The following CDH20 variants were observed in gnomAD, a reference collection of about 807,000 sequenced individuals.
The protein encoded by CDH20 is cadherin-20.
In CDH20, 29 loss-of-function variants were observed where a neutral mutation model predicts 74.2. The observed-to-expected ratio is 0.39, with a 90% CI of 0.29 to 0.53. The LOEUF is 0.53. Ranked by LOEUF, CDH20 falls within the 20% of genes least tolerant of loss-of-function variation. CDH20 has a pLI of 0.69. For synonymous variants in CDH20, 469 were observed against 405.4 expected, an observed-to-expected ratio of 1.16 and a Z score of -1.88; for missense variants, 988 against 1,048.3, an observed-to-expected ratio of 0.94 and a Z score of 0.79.
At chr18:61,475,151 C>T (rs1194964171) in intron 1 of CDH20, among the ~76,000 whole-genome samples, 3 of 152,118 alleles carry the variant, frequency 2.0e-5, no homozygotes, top group African/African-American at 7.2e-5. Context: ...CAGAGGGCTG[C>T]TGAAGGGATG....
intron 1 of CDH20, among the ~76,000 whole-genome samples, chr18:61,406,085 T>A (rs957225844): frequency 1.3e-5 from 2 of 152,096 alleles, no homozygotes; most frequent in Non-Finnish European, 2.9e-5. Flanking sequence ...CCCAGCTGTA[T>A]CCAGAATTAA....
At chr18:61,434,142 T>G (rs1908751608) in intron 1 of CDH20, among the ~76,000 whole-genome samples, 1 of 152,102 alleles carries the variant, frequency 6.6e-6, no homozygotes, top group South Asian at 2.1e-4. Flanking sequence ...CACATAGCAT[T>G]CTATATGAAA....
chr18:61,541,276 T>A (rs1913027193), intron 9 of CDH20, among the ~76,000 whole-genome samples: 1 of 151,274 alleles, frequency 6.6e-6, no homozygotes, highest in African/African-American at 2.4e-5. Flanking sequence ...AATTTTTGTT[T>A]TATATTATAA....
In CDH20 at chr18:61,502,736, G is replaced by C. The variant is rs139758719; in HGVS notation, c.662-217G>C. On this transcript the variant is annotated intron_variant, in intron 4 of 11. Coordinates refer to ENST00000262717, the MANE Select transcript of CDH20 (RefSeq NM_031891.4). ...TGTTGCCAGAAGAAACCAGCCCTCTGAGCTCTTCCTGCTGGAATAAAAGTT... is the reference window on the plus strand; with the variant it reads ...TGTTGCCAGAAGAAACCAGCCCTCTCAGCTCTTCCTGCTGGAATAAAAGTT... 5.8e-4 allele frequency among the ~76,000 whole-genome samples: 88 copies of C among 152,186 alleles called. 2 individuals are homozygous for C. The East Asian group carries it at 0.017, about 29-fold the overall frequency.
chr18:61,526,651 C>T (rs1424880613), intron 6 of CDH20, among the ~76,000 whole-genome samples: 4 of 151,848 alleles, frequency 2.6e-5, no homozygotes, highest in Non-Finnish European at 5.9e-5. Flanking sequence ...TCAGAAATAG[C>T]ATTTTAAGTT....
intron 1 of CDH20, among the ~76,000 whole-genome samples, chr18:61,396,412 T>A (rs1307552161): frequency 6.6e-6 from 1 of 152,208 alleles, no homozygotes; most frequent in African/African-American, 2.4e-5. Flanking sequence ...ATCCTTTTTT[T>A]TTAAGACCAG....
Position 61,555,692 on chromosome 18 carries a change from T to A in CDH20, c.*997T>A. 1 of 964,648 alleles carries A rather than the reference T, an allele frequency of 1.0e-6. No homozygotes were observed. The highest frequency in any genetic ancestry group is 1.2e-6 in the Non-Finnish European group (1 of 810,936). The allele number at this position is 964,648 out of a possible 1,614,324, so 59.8% of individuals were successfully genotyped here. Reference sequence around the variant, plus strand: ...GAAAATTACATGTACAAGTTTTGTATATTTGTTAATAATTTTGGTAATAAA... The same window carrying A: ...GAAAATTACATGTACAAGTTTTGTAAATTTGTTAATAATTTTGGTAATAAA... On this transcript the variant is annotated 3_prime_UTR_variant, in exon 12 of 12. Coordinates refer to ENST00000262717, the MANE Select transcript of CDH20 (RefSeq NM_031891.4).
intron 7 of CDH20, among the ~76,000 whole-genome samples, chr18:61,532,223 T>C (rs73453590): frequency 0.024 from 3,587 of 152,230 alleles, 145 homozygotes; most frequent in African/African-American, 0.081. Flanking sequence ...CATGGTGTTA[T>C]TGTAAAGATT....
intron 1 of CDH20, among the ~76,000 whole-genome samples, chr18:61,369,467 G>A (rs1197717707): frequency 1.3e-5 from 2 of 152,012 alleles, no homozygotes; most frequent in African/African-American, 4.8e-5. Context: ...ACTATATACT[G>A]AGCATCATAG....
At chr18:61,511,952 A>C (rs1461846148) in intron 6 of CDH20, among the ~76,000 whole-genome samples, 1 of 152,252 alleles carries the variant, frequency 6.6e-6, no homozygotes, top group East Asian at 1.9e-4. Context: ...TAAATATTTT[A>C]GAGGCCACTG....
chr18:61,416,647 G>C (rs547278659), intron 1 of CDH20, among the ~76,000 whole-genome samples: 1 of 152,332 alleles, frequency 6.6e-6, no homozygotes, highest in East Asian at 1.9e-4. Context: ...TCAGTGTCCT[G>C]TGAGCATTTT....
intron 1 of CDH20, among the ~76,000 whole-genome samples, chr18:61,422,009 C>G (rs779903591): frequency 1.3e-5 from 2 of 152,080 alleles, no homozygotes; most frequent in Admixed American, 6.5e-5. Flanking sequence ...CTATACATTA[C>G]CATGCTTACT....
At chr18:61,528,363 T>G (rs1050958473) in intron 7 of CDH20, 143 bp downstream of exon 7, 2 of 862,856 alleles carry the variant, frequency 2.3e-6, no homozygotes, top group African/African-American at 1.7e-5. Context: ...TGTGTTGTTT[T>G]TTTTTTTTTC....
At chr18:61,414,754 G>C (rs1912630189) in intron 1 of CDH20, among the ~76,000 whole-genome samples, 1 of 151,938 alleles carries the variant, frequency 6.6e-6, no homozygotes, top group Non-Finnish European at 1.5e-5. Flanking sequence ...TGTCAGAGAA[G>C]AGGCGAGAAT....
At chr18:61,414,637 C>A (rs1244088215) in intron 1 of CDH20, among the ~76,000 whole-genome samples, 1 of 151,940 alleles carries the variant, frequency 6.6e-6, no homozygotes, top group Non-Finnish European at 1.5e-5. Flanking sequence ...GTAATTCTGT[C>A]TAAAAATGTG....
At chr18:61,431,458 A>G (rs182850063) in intron 1 of CDH20, among the ~76,000 whole-genome samples, 1 of 152,336 alleles carries the variant, frequency 6.6e-6, no homozygotes, top group Admixed American at 6.5e-5. Context: ...TAAGTCCATT[A>G]AAGTATGGAC....
chr18:61,406,721 A>G (rs979768276), intron 1 of CDH20, among the ~76,000 whole-genome samples: 1 of 152,166 alleles, frequency 6.6e-6, no homozygotes, highest in Non-Finnish European at 1.5e-5. Flanking sequence ...TACTTAAACG[A>G]AGAGGTGGAG....
At chr18:61,375,389 C>T (rs1361100035) in intron 1 of CDH20, among the ~76,000 whole-genome samples, 1 of 152,138 alleles carries the variant, frequency 6.6e-6, no homozygotes, top group Non-Finnish European at 1.5e-5. Context: ...GTTGGAAATG[C>T]CTGGGAGTGG....
chr18:61,353,815 C>A lies in CDH20; in HGVS notation c.-153+19988C>A, dbSNP rs1426658584. Among the ~76,000 whole-genome samples, 1 of 152,138 alleles carries A rather than the reference C, an allele frequency of 6.6e-6. No individual in the cohort carries two copies. The highest frequency in any genetic ancestry group is 1.5e-5 in the Non-Finnish European group (1 of 68,032). On this transcript the variant is annotated intron_variant, in intron 1 of 11. Transcript: ENST00000262717. This position sits in a 1 kb window ranked among gnomAD's most constrained non-coding sequence, Gnocchi z 4.6. Reference sequence around the variant, plus strand: ...TTTCAGTTCCAGCCAGTCATGGTGGCTCATGCCTGTAATCCCAGCATTTTA... The same window carrying A: ...TTTCAGTTCCAGCCAGTCATGGTGGATCATGCCTGTAATCCCAGCATTTTA...
Sources: gnomAD v4.1 joint callset for allele counts (sites outside exome capture counted in the v4.1 genomes callset) on GRCh38, gnomAD v4.1.1 for gene constraint, Gnocchi (gnomAD v3.1) non-coding constraint, MANE v1.5 for transcripts, NCBI Gene and HGNC (gene_info 2026-07-23, HGNC 2026-07-21) for gene names.